METTL15: variants seen among roughly 807,000 people sequenced by gnomAD.
The protein encoded by METTL15 is methyltransferase 15, mitochondrial 12S rRNA N4-cytidine, also known as 12S rRNA N(4)-cytidine methyltransferase METTL15.
A neutral mutation model predicts 38.3 loss-of-function variants in METTL15; 34 were observed. The ratio of observed to expected loss-of-function variants is 0.89; its 90% CI spans 0.68 to 1.18. The LOEUF (loss-of-function observed/expected upper bound fraction) is 1.18. Among genes scored for constraint, METTL15 ranks in the 50% most tolerant of loss-of-function variants. The pLI is 0.00. For missense variants in METTL15, 438 were observed against 498.4 expected, an observed-to-expected ratio of 0.88 and a Z score of 1.15; for synonymous variants, 162 against 170.9, an observed-to-expected ratio of 0.95 and a Z score of 0.41.
chr11:28,441,301 T>C (rs967462894), intron 6 of METTL15, among the ~76,000 whole-genome samples: 1 of 152,032 alleles, frequency 6.6e-6, no homozygotes, highest in Admixed American at 6.6e-5. Context: ...CTGGTCTCGA[T>C]ATTCTGATAG....
At chr11:28,515,241 C>G (rs1851709732) in intron 6 of METTL15, among the ~76,000 whole-genome samples, 1 of 152,154 alleles carries the variant, frequency 6.6e-6, no homozygotes, top group Non-Finnish European at 1.5e-5. Context: ...TTAAGCTTAT[C>G]TTGGTGGCTC....
intron 4 of METTL15, among the ~76,000 whole-genome samples, chr11:28,256,745 T>C (rs1854987852): frequency 6.6e-6 from 1 of 152,092 alleles, no homozygotes; most frequent in Non-Finnish European, 1.5e-5. Flanking sequence ...CCACTAATTT[T>C]GGGTTTGCTT....
intron 4 of METTL15, among the ~76,000 whole-genome samples, chr11:28,221,778 A>G (rs1853236654): frequency 6.6e-6 from 1 of 151,900 alleles, no homozygotes; most frequent in Admixed American, 6.6e-5. Flanking sequence ...AACAGTCAGG[A>G]CCCTCAGCTG....
At chr11:28,294,529 T>C (rs994930955) in intron 5 of METTL15, among the ~76,000 whole-genome samples, 1 of 152,188 alleles carries the variant, frequency 6.6e-6, no homozygotes, top group African/African-American at 2.4e-5. Context: ...GTAGAAGCAA[T>C]AGAAAGAAAT....
rs139969121 is a variant in METTL15 at position 28,396,017 on chromosome 11, G to A, written c.*359-28282G>A. ...AAACCACATGGTTGTCTCAATAGAC[G>A]CAGAAAAGGCCTTTGACAAAATTCA... On this transcript the variant is annotated intron_variant and NMD_transcript_variant, in intron 5 of 7. Coordinates refer to the METTL15 transcript ENST00000532947. Among the ~76,000 whole-genome samples, 1,463 of 152,254 alleles carry A rather than the reference G, an allele frequency of 9.6e-3. 8 individuals carry two copies. The highest frequency in any genetic ancestry group is 0.016 in the Non-Finnish European group (1,066 of 68,030).
At chr11:28,296,574 A>T (rs1856742461) in intron 5 of METTL15, among the ~76,000 whole-genome samples, 179 bp from the exon 6 acceptor site, 1 of 152,070 alleles carries the variant, frequency 6.6e-6, no homozygotes, top group Non-Finnish European at 1.5e-5. Context: ...TGCCATAATG[A>T]TGGGTAGTTG....
intron 4 of METTL15, among the ~76,000 whole-genome samples, chr11:28,241,984 T>C (rs1169633488): frequency 6.6e-6 from 1 of 152,216 alleles, no homozygotes; most frequent in African/African-American, 2.4e-5. Context: ...TTGTCTGACA[T>C]GTTTTAAAAG....
intron 6 of METTL15, among the ~76,000 whole-genome samples, chr11:28,513,850 C>T (rs1851697045): frequency 1.3e-5 from 2 of 152,228 alleles, no homozygotes; most frequent in Middle Eastern, 3.2e-3. Context: ...CCGCCCTGGG[C>T]GGGCCAGGTG....
At chr11:28,325,363 G>A (rs905489698) in intron 6 of METTL15, among the ~76,000 whole-genome samples, 2 of 152,176 alleles carry the variant, frequency 1.3e-5, no homozygotes, top group Non-Finnish European at 2.9e-5. Context: ...GCAAGACATA[G>A]GTCTTGGATA....
intron 4 of METTL15, among the ~76,000 whole-genome samples, chr11:28,270,940 A>G (rs1403214653): frequency 2.6e-5 from 4 of 152,210 alleles, no homozygotes; most frequent in African/African-American, 9.6e-5. Flanking sequence ...ATAGGGGAAT[A>G]TAATATCACA....
chr11:28,326,896 C>G (rs1849653600), intron 6 of METTL15, among the ~76,000 whole-genome samples: 1 of 151,980 alleles, frequency 6.6e-6, no homozygotes. Flanking sequence ...CTCCCAAATC[C>G]TTCCCTCCTA....
intron 5 of METTL15, among the ~76,000 whole-genome samples, chr11:28,381,730 T>C (rs1850388122): frequency 6.6e-6 from 1 of 152,160 alleles, no homozygotes; most frequent in Non-Finnish European, 1.5e-5. Context: ...TTAATCTCTT[T>C]GTTAAAATTT....
At chr11:28,157,133 C>A (rs1270823609) in intron 3 of METTL15, among the ~76,000 whole-genome samples, 1 of 152,132 alleles carries the variant, frequency 6.6e-6, no homozygotes, top group Non-Finnish European at 1.5e-5. Context: ...GAGAGGTATT[C>A]CTTCTAAAGT....
intron 4 of METTL15, among the ~76,000 whole-genome samples, chr11:28,278,588 T>G (rs1352618715): frequency 6.6e-6 from 1 of 152,124 alleles, no homozygotes; most frequent in South Asian, 2.1e-4. Flanking sequence ...AAATTTGTTA[T>G]ATATTCATTT....
At chr11:28,435,227 G>T (rs547149238) in intron 6 of METTL15, among the ~76,000 whole-genome samples, 8 of 152,090 alleles carry the variant, frequency 5.3e-5, no homozygotes, top group Non-Finnish European at 1.0e-4. Context: ...TCTACATCAG[G>T]TTCATTACAT....
At chr11:28,335,306 G>A (rs1247524561), downstream of METTL15, among the ~76,000 whole-genome samples, 1 of 152,030 alleles carries the variant, frequency 6.6e-6, no homozygotes, top group African/African-American at 2.4e-5. Context: ...TATTGGCTGG[G>A]GACTCAGAAA....
chr11:28,143,885 G>A (rs1469261313), intron 3 of METTL15, among the ~76,000 whole-genome samples: 3 of 152,188 alleles, frequency 2.0e-5, no homozygotes, highest in African/African-American at 7.2e-5. Context: ...TTTGACATCT[G>A]ACTGGAACTT....
At chr11:28,287,178 G>GTC in intron 4 of METTL15, 1 of 207,866 alleles carries the variant, frequency 4.8e-6, no homozygotes, top group Non-Finnish European at 9.6e-6. Flanking sequence ...GTGTGTGTGT[G>GTC]TGTGTGTGTG....
At chr11:28,131,053 A>G (rs1245363263) in intron 3 of METTL15, among the ~76,000 whole-genome samples, 1 of 151,964 alleles carries the variant, frequency 6.6e-6, no homozygotes, top group Non-Finnish European at 1.5e-5. Context: ...TCACCCATTA[A>G]GTGCTAGTGG....
Sources: gnomAD v4.1 joint callset for allele counts (sites outside exome capture counted in the v4.1 genomes callset) on GRCh38, gnomAD v4.1.1 for gene constraint, MANE v1.5 for transcripts, NCBI Gene and HGNC (gene_info 2026-07-23, HGNC 2026-07-21) for gene names.